Variants in COL4A3 observed in about 807,000 individuals in gnomAD.
COL4A3 encodes collagen type IV alpha 3 chain.
Under a neutral mutation model 217.4 loss-of-function variants are expected in COL4A3, and 135 were observed. The ratio of observed to expected loss-of-function variants is 0.62; its 90% CI spans 0.54 to 0.72. The LOEUF (loss-of-function observed/expected upper bound fraction) is 0.72. Ranked by LOEUF, COL4A3 falls within the 30% of genes least tolerant of loss-of-function variation. The pLI is 0.00. For synonymous variants in COL4A3, 690 were observed against 736.3 expected, an observed-to-expected ratio of 0.94 and a Z score of 1.02; for missense variants, 1,868 against 2,119.9, an observed-to-expected ratio of 0.88 and a Z score of 2.33.
At chr2:227,251,866 C>T (rs1043161602) in intron 11 of COL4A3, among the ~76,000 whole-genome samples, 6 of 152,030 alleles carry the variant, frequency 3.9e-5, no homozygotes, top group South Asian at 2.1e-4. Context: ...GTCAGGAGTT[C>T]GAGGCCAGCC....
Position 227,282,326 on chromosome 2 carries a change from T to G in COL4A3, c.2489-39T>G. The G allele has an allele frequency of 1.3e-6, 2 of 1,504,830 alleles. No individual in the cohort carries two copies. The highest frequency in any genetic ancestry group is 1.8e-6 in the Non-Finnish European group (2 of 1,090,074). 93.2% of individuals were successfully genotyped at this position (1,504,830 alleles called of 1,614,324 possible). A position where few individuals can be genotyped will look rare whatever the true frequency, so the allele number is the denominator to read the frequency against. ...TTTCTGAAGTTAGTAGGGGAAAGCATTTGTGGGTTAATTAATTCATTCATT... is the reference window on the plus strand; with the variant it reads ...TTTCTGAAGTTAGTAGGGGAAAGCAGTTGTGGGTTAATTAATTCATTCATT... On this transcript the variant is annotated intron_variant, in intron 31 of 51. Coordinates refer to ENST00000396578, the MANE Select transcript of COL4A3 (RefSeq NM_000091.5). The surrounding 1 kb of genome is among the most constrained non-coding windows in gnomAD (Gnocchi z 4.4).
intron 32 of COL4A3, 50 bp from the exon 33 acceptor site, chr2:227,283,717 T>A: frequency 6.6e-7 from 1 of 1,525,694 alleles, no homozygotes; most frequent in Non-Finnish European, 9.1e-7. Context: ...ATATTTTGCT[T>A]TTCTCACTCT....
intron 1 of COL4A3, among the ~76,000 whole-genome samples, chr2:227,227,339 G>A (rs2068153834): frequency 6.6e-6 from 1 of 152,178 alleles, no homozygotes; most frequent in Admixed American, 6.5e-5. Flanking sequence ...GCTCACGCCT[G>A]TAATCCCAGC....
rs556953575 is a variant in COL4A3, at chr2:227,203,151, A to G, written c.88-34817A>G. Among the ~76,000 whole-genome samples the G allele has an allele frequency of 8.1e-5, 3 of 36,864 alleles. 1 individual carries two copies. Among genetic ancestry groups the G allele is most frequent in the Admixed American group, 3.3e-4 (1 of 3,044 alleles). The allele number at this position is 36,864 out of a possible 152,430, so 24.2% of individuals were successfully genotyped here. On this transcript the variant is annotated intron_variant, in intron 1 of 51. Transcript: ENST00000396578. ...TATACATATATGTGTATATATGTGT[A>G]TATATACATATATGTGTATATATGT... is the stretch of plus-strand genomic sequence containing the variant.
rs751264964 is a variant in COL4A3 at position 227,204,311 on chromosome 2, CT to C, written c.88-33653del. ...AGCATTCAATAAATCTAAGCTGCTACTTTTAGCTGCCACCTGGTACTGCTTC... is the reference window on the plus strand; with the variant it reads ...AGCATTCAATAAATCTAAGCTGCTACTTTAGCTGCCACCTGGTACTGCTTC... On this transcript the variant is annotated intron_variant, in intron 1 of 51. Coordinates refer to ENST00000396578, the MANE Select transcript of COL4A3 (RefSeq NM_000091.5). 1.3e-4 allele frequency among the ~76,000 whole-genome samples: 20 copies of C among 152,308 alleles called. No homozygotes were observed. The South Asian group carries it at 3.5e-3, about 27-fold the overall frequency.
intron 26 of COL4A3, among the ~76,000 whole-genome samples, chr2:227,274,520 A>G (rs1401495853): frequency 1.4e-5 from 2 of 147,768 alleles, no homozygotes; most frequent in Non-Finnish European, 3.0e-5. Flanking sequence ...TTTGTCTGAG[A>G]TGGAATCTTG....
chr2:227,306,003 A>G (rs2073485162), intron 47 of COL4A3, among the ~76,000 whole-genome samples: 1 of 152,210 alleles, frequency 6.6e-6, no homozygotes, highest in Non-Finnish European at 1.5e-5. Flanking sequence ...TGATGTTAAT[A>G]TAATACTAAT....
chr2:227,192,078 G>A (rs1172861419), intron 1 of COL4A3, among the ~76,000 whole-genome samples: 2 of 152,170 alleles, frequency 1.3e-5, no homozygotes, highest in African/African-American at 4.8e-5. Flanking sequence ...TTATCTCTCT[G>A]TGCTCAAGTA....
At chr2:227,235,279 G>A (rs1020114641) in intron 1 of COL4A3, among the ~76,000 whole-genome samples, 8 of 152,142 alleles carry the variant, frequency 5.3e-5, no homozygotes, top group African/African-American at 1.9e-4. Flanking sequence ...GTTGAAAAGA[G>A]CATTAAAGTT....
intron 1 of COL4A3, among the ~76,000 whole-genome samples, chr2:227,221,972 A>G (rs1434004120): frequency 1.4e-5 from 2 of 146,444 alleles, no homozygotes; most frequent in Non-Finnish European, 3.0e-5. Context: ...CATTTAACTC[A>G]GCATCCTTGT....
At chr2:227,270,733 C>T (rs2071184324) in intron 24 of COL4A3, 37 bp from the exon 25 acceptor site, 1 of 1,600,652 alleles carries the variant, frequency 6.2e-7, no homozygotes, top group African/African-American at 1.3e-5. Context: ...AGAATTCTAA[C>T]AAAATACAAT....
In COL4A3 at chr2:227,313,267, T is replaced by C. The variant is rs972792034; in HGVS notation, c.*1397T>C. 1 of 152,634 alleles carries C rather than the reference T, an allele frequency of 6.6e-6. No homozygotes were observed. The highest frequency in any genetic ancestry group is 2.4e-5 in the African/African-American group (1 of 41,450). The allele number at this position is 152,634 out of a possible 1,614,324, so 9.5% of individuals were successfully genotyped here. The stretch of plus-strand genomic sequence containing the variant: ...GTAGCTTCCCTCCCCTCTAGTTTTT[T>C]CTTCCTTTTCACTGCTGTTATATTT... On this transcript the variant is annotated 3_prime_UTR_variant, in exon 52 of 52. Coordinates refer to ENST00000396578, the MANE Select transcript of COL4A3 (RefSeq NM_000091.5).
intron 1 of COL4A3, among the ~76,000 whole-genome samples, chr2:227,186,584 C>T (rs1296316165): frequency 6.6e-6 from 1 of 152,158 alleles, no homozygotes; most frequent in Non-Finnish European, 1.5e-5. Context: ...CTTAGGCCAA[C>T]CTTGGAGGAT....
In COL4A3 at chr2:227,311,938, T is replaced by A; in HGVS notation, c.*68T>A. On this transcript the variant is annotated 3_prime_UTR_variant, in exon 52 of 52. Transcript: ENST00000396578. The stretch of plus-strand genomic sequence containing the variant: ...ACAAAGTAATGACAGAACATGCTGT[T>A]ATTTAGGTATTTTTCTTTAACCAAA... The A allele has an allele frequency of 6.3e-7, 1 of 1,593,500 alleles. No homozygotes were observed. Among genetic ancestry groups the A allele is most frequent in the Non-Finnish European group, 8.6e-7 (1 of 1,167,912 alleles).
chr2:227,267,456 C>T (rs1387588389), intron 23 of COL4A3, among the ~76,000 whole-genome samples: 1 of 152,170 alleles, frequency 6.6e-6, no homozygotes, highest in African/African-American at 2.4e-5. Context: ...AGACACAACC[C>T]TACTCAGTCC....
chr2:227,229,990 G>T (rs1442354115), intron 1 of COL4A3, among the ~76,000 whole-genome samples: 1 of 151,102 alleles, frequency 6.6e-6, no homozygotes, highest in South Asian at 2.1e-4. Context: ...GGTGGAGCTT[G>T]CAGTGAGCCG....
rs1286895614 is a variant in COL4A3 at position 227,259,878 on chromosome 2, G to T, written c.1114+1G>T. The T allele has an allele frequency of 2.5e-6, 4 of 1,610,324 alleles. No individual in the cohort carries two copies. Among genetic ancestry groups the T allele is most frequent in the African/African-American group, 2.7e-5 (2 of 74,868 alleles). On this transcript the variant is annotated splice_donor_variant, in intron 19 of 51. Transcript: ENST00000396578. LOFTEE classifies it high-confidence loss of function. Reference sequence around the variant, plus strand: ...CCCAGAGGAGCTCGTGGCCCACAAGGTAAGAATAAATTTCTTCCTAAAGCA... The same window carrying T: ...CCCAGAGGAGCTCGTGGCCCACAAGTTAAGAATAAATTTCTTCCTAAAGCA...
intron 1 of COL4A3, among the ~76,000 whole-genome samples, chr2:227,221,768 C>T (rs1023000768): frequency 6.6e-6 from 1 of 151,998 alleles, no homozygotes; most frequent in African/African-American, 2.4e-5. Context: ...ACCGTGTCCC[C>T]TGTATCTAGA....
chr2:227,272,639 T>C (rs1423607844), intron 25 of COL4A3, among the ~76,000 whole-genome samples: 1 of 152,234 alleles, frequency 6.6e-6, no homozygotes, highest in Non-Finnish European at 1.5e-5. Context: ...ACTAAAGTCA[T>C]TTGAACTATT....
Sources: allele counts gnomAD v4.1 joint callset (sites outside exome capture counted in the v4.1 genomes callset), GRCh38; gene constraint gnomAD v4.1.1; non-coding constraint Gnocchi (gnomAD v3.1); transcripts MANE v1.5; gene names NCBI Gene and HGNC (gene_info 2026-07-23, HGNC 2026-07-21).